PTGES3L: variants seen among roughly 807,000 people sequenced by gnomAD.
PTGES3L encodes prostaglandin E synthase 3 like.
Under a neutral mutation model 25.0 loss-of-function variants are expected in PTGES3L, and 17 were observed. That is an observed-to-expected ratio of 0.68 (90% CI 0.47 to 1.02). The LOEUF (loss-of-function observed/expected upper bound fraction) is 1.02. Ranked by LOEUF, PTGES3L falls within the 50% of genes least tolerant of loss-of-function variation. The pLI is 0.00. For missense variants in PTGES3L, 202 were observed against 197.5 expected (o/e 1.02, Z -0.14); for synonymous variants, 59 against 65.7 (o/e 0.90, Z 0.50).
At position 42,979,258 on chromosome 17, in the gene PTGES3L, T is replaced by C. The variant is rs1474237810; in HGVS notation, c.200A>G (p.Asp67Gly). ...AGTAATAGAGCGGGAAGAGCGCTTA[T>C]CCTGGGAGTCCTGCCAGATAGAGAG... is the stretch of plus-strand genomic sequence containing the variant. Reference protein sequence around the residue: ...YAKVNSKDSQDKRSSRSITCF... With the variant: ...YAKVNSKDSQGKRSSRSITCF... Residue 67 changes from aspartate (D) to glycine (G), a missense_variant, in exon 4 of 7, where the codon GAT (aspartate) becomes GGT (glycine). By Grantham distance (94) the Asp-to-Gly change is moderately conservative (BLOSUM62 -1). Coordinates refer to ENST00000591916, the MANE Select transcript of PTGES3L (RefSeq NM_001261430.2). The C allele has an allele frequency of 2.5e-6, 4 of 1,614,074 alleles. No homozygotes were observed. Among genetic ancestry groups the C allele is most frequent in the Non-Finnish European group, 3.4e-6 (4 of 1,180,024 alleles).
rs748620609 is a variant in PTGES3L, at chr17:42,979,193, G to A, written c.265C>T (p.Arg89Trp). 5.9e-5 allele frequency: 95 copies of A among 1,613,968 alleles called. No individual in the cohort carries two copies. Among genetic ancestry groups the A allele is most frequent in the South Asian group, 1.8e-4 (16 of 91,086 alleles). Residue 89 changes from arginine (R) to tryptophan (W), a missense_variant, in exon 4 of 7, where the codon CGG becomes TGG. Arg to Trp is a moderately radical substitution (Grantham distance 101). Transcript: ENST00000591916. The part of the protein sequence containing the change: ...RKWKEKVAWP[R>W]LTKEDIKPVW... ...ACCTTGATATCCTCCTTGGTAAGCCGCGGCCAGGCCACCTTTTCCTTCCAT... is the reference window on the plus strand; with the variant it reads ...ACCTTGATATCCTCCTTGGTAAGCCACGGCCAGGCCACCTTTTCCTTCCAT...
chr17:42,979,177 T>A lies in PTGES3L; in HGVS notation c.281A>T (p.Asp94Val), dbSNP rs751136092. Residue 94 changes from aspartate (D) to valine (V), a missense_variant, in exon 4 of 7, where the codon GAT becomes GTT. Asp to Val is a radical substitution (Grantham distance 152). Coordinates refer to ENST00000591916, the MANE Select transcript of PTGES3L (RefSeq NM_001261430.2). ...KVAWPRLTKE[D>V]IKPVWLSVDF... ...CACTTTCCACACACCCACCTTGATA[T>A]CCTCCTTGGTAAGCCGCGGCCAGGC... 1 of 1,614,098 alleles carries A rather than the reference T, an allele frequency of 6.2e-7. No homozygotes were observed. Among genetic ancestry groups the A allele is most frequent in the South Asian group, 1.1e-5 (1 of 91,072 alleles).
Position 42,969,153 on chromosome 17 carries a change from T to A in PTGES3L, c.466A>T (p.Asn156Tyr). The part of the protein sequence containing the change: ...DSDSADDATS[N>Y] The stretch of plus-strand genomic sequence containing the variant: ...CAGCTTTGCGTCACAGAAAGTTAAT[T>A]ACTTGTTGCATCATCAGCACTGTCA... The change falls in exon 7 of 7, where the codon AAT (asparagine) becomes TAT (tyrosine). Residue 156 changes from asparagine to tyrosine, a missense_variant. By Grantham distance (143) the Asn-to-Tyr change is moderately radical (BLOSUM62 -2). Transcript: ENST00000591916. The A allele has an allele frequency of 6.5e-7, 1 of 1,540,596 alleles. No individual in the cohort carries two copies. Among genetic ancestry groups the A allele is most frequent in the Non-Finnish European group, 8.8e-7 (1 of 1,140,796 alleles).
chr17:42,973,238 A>T (rs2049886977), intron 4 of PTGES3L, among the ~76,000 whole-genome samples: 2 of 136,908 alleles, frequency 1.5e-5, no homozygotes, highest in Non-Finnish European at 3.1e-5. Flanking sequence ...TCCGGGAGGG[A>T]GGTGGGGGGG....
Position 42,975,499 on chromosome 17 carries a change from C to T in PTGES3L, c.288+3671G>A, listed in dbSNP as rs958881944. ...CTTGGGGCAGAGAGTGTGGGATGTGCTAGTGTGTTATGTAACGGATCTCAA... is the reference window on the plus strand; with the variant it reads ...CTTGGGGCAGAGAGTGTGGGATGTGTTAGTGTGTTATGTAACGGATCTCAA... On this transcript the variant is annotated intron_variant, in intron 4 of 6. Coordinates refer to ENST00000591916, the MANE Select transcript of PTGES3L (RefSeq NM_001261430.2). 3.3e-5 allele frequency among the ~76,000 whole-genome samples: 5 copies of T among 152,038 alleles called. No individual in the cohort carries two copies. The South Asian group carries it at 1.0e-3, about 31-fold the overall frequency.
rs1247673394 is a variant in PTGES3L, at chr17:42,969,196, G to A, written c.433-10C>T. ...CACTGTCAGAATCATCCTGGGGGCG[G>A]GGGGGAAAAAAGACAAAGCACCTGT... is the stretch of plus-strand genomic sequence containing the variant. On this transcript the variant is annotated splice_polypyrimidine_tract_variant and intron_variant, in intron 6 of 6. Coordinates refer to ENST00000591916, the MANE Select transcript of PTGES3L (RefSeq NM_001261430.2). 24 of 1,439,066 alleles carry A rather than the reference G, an allele frequency of 1.7e-5. No individual in the cohort carries two copies. Among genetic ancestry groups the A allele is most frequent in the Admixed American group, 1.4e-4 (7 of 50,242 alleles). The allele number at this position is 1,439,066 out of a possible 1,614,324, so 89.1% of individuals were successfully genotyped here.
chr17:42,976,460 C>A (rs909840427), intron 4 of PTGES3L, among the ~76,000 whole-genome samples: 1 of 152,134 alleles, frequency 6.6e-6, no homozygotes, highest in African/African-American at 2.4e-5. Flanking sequence ...CTCACTGCAA[C>A]CTCCACTTCC....
In PTGES3L at chr17:42,971,712, C is replaced by A. The variant is rs1448276381; in HGVS notation, c.289-16G>T. On this transcript the variant is annotated splice_polypyrimidine_tract_variant and intron_variant, in intron 4 of 6. Coordinates refer to ENST00000591916, the MANE Select transcript of PTGES3L (RefSeq NM_001261430.2). ...GCCACACTGGCTGCAAGAAGAGGCA[C>A]CAAGAGTCACAGGCCAGGAGGGCAG... 1.2e-6 allele frequency: 2 copies of A among 1,613,652 alleles called. No individual in the cohort carries two copies. Among genetic ancestry groups the A allele is most frequent in the Non-Finnish European group, 1.7e-6 (2 of 1,179,870 alleles).
chr17:42,969,261 G>A, intron 6 of PTGES3L, 75 bp from the exon 7 acceptor site: 1 of 902,708 alleles, frequency 1.1e-6, no homozygotes. Context: ...AACAAATACT[G>A]CTTCCTCTCT....
At chr17:42,977,397 GC>G (rs2049973122) in intron 4 of PTGES3L, among the ~76,000 whole-genome samples, 1 of 149,016 alleles carries the variant, frequency 6.7e-6, no homozygotes, top group South Asian at 2.1e-4. Flanking sequence ...CTGCACTCCA[GC>G]CTGGGTGACA....
intron 4 of PTGES3L, among the ~76,000 whole-genome samples, chr17:42,977,245 G>A (rs1366427544): frequency 6.6e-6 from 1 of 152,000 alleles, no homozygotes; most frequent in African/African-American, 2.4e-5. Context: ...GGCCAACATG[G>A]TGAAACCCTG....
chr17:42,979,624 A>G lies in PTGES3L; in HGVS notation c.48T>C (p.Tyr16=), dbSNP rs376060055. 1.1e-5 allele frequency: 18 copies of G among 1,614,068 alleles called. No homozygotes were observed. The highest frequency in any genetic ancestry group is 1.5e-5 in the Non-Finnish European group (18 of 1,180,052). ...CCTCAACACAAAACTCCATGAACAC[A>G]TACCTGGGCCTGTCGTACCACAAGG... The part of the protein sequence containing the change: ...ARTLWYDRPR[Y]VFMEFCVEDS... The change falls in exon 2 of 7, where the codon TAT becomes TAC. Residue 16 remains tyrosine, a synonymous_variant. Coordinates refer to ENST00000591916, the MANE Select transcript of PTGES3L (RefSeq NM_001261430.2).
At chr17:42,978,182 A>G (rs2049998064) in intron 4 of PTGES3L, among the ~76,000 whole-genome samples, 1 of 151,272 alleles carries the variant, frequency 6.6e-6, no homozygotes, top group Admixed American at 6.6e-5. Flanking sequence ...TGAGGCGGGT[A>G]GACCACCTGA....
rs372902883 is a variant in PTGES3L at position 42,969,201 on chromosome 17, G to GAAA, written c.433-18_433-16dup. 6.2e-3 allele frequency: 8,397 copies of GAAA among 1,364,826 alleles called. 509 individuals are homozygous for GAAA. In the African/African-American group the frequency reaches 0.097, roughly 16 times the overall value. 84.5% of individuals were successfully genotyped at this position (1,364,826 alleles called of 1,614,324 possible). On this transcript the variant is annotated splice_polypyrimidine_tract_variant and intron_variant, in intron 6 of 6. Coordinates refer to ENST00000591916, the MANE Select transcript of PTGES3L (RefSeq NM_001261430.2). ...TCAGAATCATCCTGGGGGCGGGGGGGAAAAAAGACAAAGCACCTGTAGACC... is the reference window on the plus strand; with the variant it reads ...TCAGAATCATCCTGGGGGCGGGGGGGAAAAAAAAAGACAAAGCACCTGTAGACC...
intron 4 of PTGES3L, among the ~76,000 whole-genome samples, chr17:42,974,379 G>C (rs957541283): frequency 7.2e-6 from 1 of 138,624 alleles, no homozygotes; most frequent in East Asian, 2.1e-4. Context: ...AAAAAAAAAA[G>C]ACAAGCTGCA....
chr17:42,970,472 C>T (rs747660760), intron 5 of PTGES3L, 130 bp from the exon 6 acceptor site: 3 of 940,438 alleles, frequency 3.2e-6, no homozygotes, highest in Non-Finnish European at 4.8e-6. Flanking sequence ...TAAAACATCA[C>T]TGGAATTAAT....
chr17:42,970,183 G>T, intron 6 of PTGES3L, 106 bp downstream of exon 6: 2 of 1,353,822 alleles, frequency 1.5e-6, no homozygotes, highest in Non-Finnish European at 2.1e-6. Context: ...TTGGTTAACA[G>T]GCACTGAGAA....
chr17:42,975,347 G>GA (rs2049935660), intron 4 of PTGES3L, among the ~76,000 whole-genome samples: 1 of 152,146 alleles, frequency 6.6e-6, no homozygotes, highest in Non-Finnish European at 1.5e-5. Flanking sequence ...TTGGGTGGGT[G>GA]AAGGTAGTAA....
At chr17:42,978,077 CA>C (rs368420097) in intron 4 of PTGES3L, among the ~76,000 whole-genome samples, 73 of 47,390 alleles carry the variant, frequency 1.5e-3, no homozygotes, top group African/African-American at 2.6e-3. Context: ...AACTCCGAAT[CA>C]AAAAAAAAAA....
Sources: gnomAD v4.1 joint callset for allele counts (sites outside exome capture counted in the v4.1 genomes callset) on GRCh38, gnomAD v4.1.1 for gene constraint, MANE v1.5 for transcripts, NCBI Gene and HGNC (gene_info 2026-07-23, HGNC 2026-07-21) for gene names.